The following ALK variants were observed in gnomAD, a reference collection of about 807,000 sequenced individuals.
ALK encodes ALK tyrosine kinase receptor.
In ALK, 74 loss-of-function variants were observed where a neutral mutation model predicts 163.1. The observed-to-expected ratio is 0.45, with a 90% confidence interval of 0.38 to 0.55. The LOEUF is 0.55. ALK is among the 20% of genes least tolerant of loss of function. The probability of loss-of-function intolerance (pLI) is 0.00; values close to 1 mark genes in which losing one functional copy is unlikely to be tolerated. For missense variants in ALK, 2,063 were observed against 2,105.3 expected, an observed-to-expected ratio of 0.98 and a Z score of 0.39; for synonymous variants, 960 against 843.2, an observed-to-expected ratio of 1.14 and a Z score of -2.40.
At chr2:29,463,840 T>C (rs1671143191) in intron 4 of ALK, among the ~76,000 whole-genome samples, 1 of 152,148 alleles carries the variant, frequency 6.6e-6, no homozygotes, top group South Asian at 2.1e-4. Flanking sequence ...GTACCAGAAA[T>C]CATCAGGCTG....
At chr2:29,437,611 A>T (rs1347310248) in intron 4 of ALK, among the ~76,000 whole-genome samples, 1 of 152,146 alleles carries the variant, frequency 6.6e-6, no homozygotes, top group Non-Finnish European at 1.5e-5. Context: ...CTTTCTTCTC[A>T]ATGGAGGTTT....
chr2:29,299,756 AT>A (rs1666312054), intron 8 of ALK, among the ~76,000 whole-genome samples: 1 of 152,228 alleles, frequency 6.6e-6, no homozygotes, highest in African/African-American at 2.4e-5. Flanking sequence ...TACTTTGCAT[AT>A]TACAAAATGC....
chr2:29,797,117 C>T (rs1422682427), intron 1 of ALK, among the ~76,000 whole-genome samples: 1 of 151,402 alleles, frequency 6.6e-6, no homozygotes, highest in Non-Finnish European at 1.5e-5. Context: ...TAGAAACAAA[C>T]AATACTATCC....
intron 2 of ALK, among the ~76,000 whole-genome samples, chr2:29,715,794 T>C (rs1190169326): frequency 1.3e-5 from 2 of 152,232 alleles, no homozygotes; most frequent in African/African-American, 4.8e-5. Context: ...TTATAGATAC[T>C]TGCCCTTATC....
intron 1 of ALK, among the ~76,000 whole-genome samples, chr2:29,914,847 A>G (rs1317218198): frequency 6.6e-6 from 1 of 152,202 alleles, no homozygotes; most frequent in Non-Finnish European, 1.5e-5. Flanking sequence ...CTCTGACTTG[A>G]AGGAAAGGGG....
chr2:29,397,233 T>C (rs1669333576), intron 4 of ALK, among the ~76,000 whole-genome samples: 1 of 152,132 alleles, frequency 6.6e-6, no homozygotes, highest in African/African-American at 2.4e-5. Flanking sequence ...TATATTCTTA[T>C]AAAACAGAGG....
intron 5 of ALK, among the ~76,000 whole-genome samples, chr2:29,330,809 A>G (rs1407761907): frequency 6.6e-6 from 1 of 152,122 alleles, no homozygotes; most frequent in African/African-American, 2.4e-5. Flanking sequence ...AAGGGGTCAC[A>G]AGCCAAAGGG....
At chr2:29,898,725 G>C (rs1036862788) in intron 1 of ALK, among the ~76,000 whole-genome samples, 10 of 152,082 alleles carry the variant, frequency 6.6e-5, no homozygotes, top group African/African-American at 2.4e-4. Context: ...GTAAGCTTTG[G>C]GTGTACCCAT....
chr2:29,266,943 A>C (rs1665237348), intron 11 of ALK, among the ~76,000 whole-genome samples: 1 of 152,226 alleles, frequency 6.6e-6, no homozygotes, highest in African/African-American at 2.4e-5. Context: ...CCAGCTTCTG[A>C]TAATCACACC....
intron 3 of ALK, among the ~76,000 whole-genome samples, chr2:29,627,685 G>C (rs1437008376): frequency 6.6e-6 from 1 of 152,170 alleles, no homozygotes; most frequent in African/African-American, 2.4e-5. Flanking sequence ...GGGGGTGGGA[G>C]GATGAATACT....
chr2:29,545,245 C>T (rs1673523880), intron 3 of ALK, among the ~76,000 whole-genome samples: 1 of 152,118 alleles, frequency 6.6e-6, no homozygotes, highest in Admixed American at 6.5e-5. Context: ...GCTTAGATGG[C>T]CTCACCATGG....
chr2:29,305,241 G>A lies in ALK; in HGVS notation c.1648-8184C>T, dbSNP rs537720918. Among the ~76,000 whole-genome samples the A allele has an allele frequency of 2.8e-4, 42 of 152,296 alleles. 1 individual carries two copies. Among genetic ancestry groups the A allele is most frequent in the African/African-American group, 7.0e-4 (29 of 41,552 alleles). On this transcript the variant is annotated intron_variant, in intron 8 of 28. Coordinates refer to ENST00000389048, the MANE Select transcript of ALK (RefSeq NM_004304.5). ...TTCCTGCAGCGGGGAGTCTGCTGCC[G>A]TCAGCTAAGGGCCTTCTTGGGGCTG...
At chr2:29,305,329 G>A (rs976837254) in intron 8 of ALK, among the ~76,000 whole-genome samples, 9 of 152,164 alleles carry the variant, frequency 5.9e-5, no homozygotes, top group South Asian at 4.1e-4. Context: ...GAGAGACCCC[G>A]TGAGCAGTAA....
At chr2:29,789,376 C>T (rs977188070) in intron 1 of ALK, among the ~76,000 whole-genome samples, 3 of 152,106 alleles carry the variant, frequency 2.0e-5, no homozygotes, top group Non-Finnish European at 2.9e-5. Context: ...CTATTCTATC[C>T]GGAATGGCTG....
At chr2:29,761,950 C>T (rs911657450) in intron 1 of ALK, among the ~76,000 whole-genome samples, 1 of 152,172 alleles carries the variant, frequency 6.6e-6, no homozygotes, top group Non-Finnish European at 1.5e-5. Context: ...TCAAAAATGG[C>T]CCATTCTAGG....
At chr2:29,463,159 C>T (rs531781507) in intron 4 of ALK, among the ~76,000 whole-genome samples, 1 of 152,134 alleles carries the variant, frequency 6.6e-6, no homozygotes, top group African/African-American at 2.4e-5. Context: ...ATTTTATTTC[C>T]TTCTTTTAGA....
At chr2:29,597,359 C>G (rs969256076) in intron 3 of ALK, among the ~76,000 whole-genome samples, 1 of 152,144 alleles carries the variant, frequency 6.6e-6, no homozygotes, top group African/African-American at 2.4e-5. Flanking sequence ...CCCATCATAT[C>G]TGTTGTGCTT....
chr2:29,388,871 G>A lies in ALK; in HGVS notation c.1155-5012C>T, dbSNP rs147033443. Among the ~76,000 whole-genome samples the A allele has an allele frequency of 1.9e-4, 29 of 152,276 alleles. 1 individual carries two copies. Among genetic ancestry groups the A allele is most frequent in the African/African-American group, 6.0e-4 (25 of 41,556 alleles). ...AACTTGGTTAAATGCATCTTTATAC[G>A]TTAAATACAACCCCAAGAAATTATG... On this transcript the variant is annotated intron_variant, in intron 4 of 28. Coordinates refer to ENST00000389048, the MANE Select transcript of ALK (RefSeq NM_004304.5).
At chr2:29,478,422 G>A (rs1671579541) in intron 4 of ALK, among the ~76,000 whole-genome samples, 1 of 152,270 alleles carries the variant, frequency 6.6e-6, no homozygotes, top group Admixed American at 6.5e-5. Flanking sequence ...AAGGTAGGGT[G>A]AGTGCTCCCA....
Sources: gnomAD v4.1 joint callset for allele counts (sites outside exome capture counted in the v4.1 genomes callset) on GRCh38, gnomAD v4.1.1 for gene constraint, MANE v1.5 for transcripts, NCBI Gene and HGNC (gene_info 2026-07-23, HGNC 2026-07-21) for gene names.